THSD7B: variants seen among roughly 807,000 people sequenced by gnomAD.
THSD7B encodes thrombospondin type 1 domain containing 7B.
A neutral mutation model predicts 213.6 loss-of-function variants in THSD7B; 138 were observed. That is an observed-to-expected ratio of 0.65 (90% confidence interval 0.56 to 0.74). THSD7B has a LOEUF of 0.74. Ranked by LOEUF, THSD7B falls within the 30% of genes least tolerant of loss-of-function variation. THSD7B has a pLI of 0.00. For synonymous variants in THSD7B, 742 were observed against 687.0 expected, an observed-to-expected ratio of 1.08 and a Z score of -1.25; for missense variants, 1,931 against 1,991.5, an observed-to-expected ratio of 0.97 and a Z score of 0.58.
intron 5 of THSD7B, among the ~76,000 whole-genome samples, chr2:137,121,218 T>G (rs1349371508): frequency 6.6e-6 from 1 of 152,202 alleles, no homozygotes; most frequent in Non-Finnish European, 1.5e-5. Context: ...CCTAATTTAT[T>G]TAGCTCAAGG....
Position 137,546,382 on chromosome 2 carries a change from TA to T in THSD7B, c.3139-16838del, listed in dbSNP as rs1340052068. On this transcript the variant is annotated intron_variant, in intron 15 of 27. Coordinates refer to ENST00000409968, the MANE Select transcript of THSD7B (RefSeq NM_001316349.2). ...ATATATTATATATATATATAATATA[TA>T]TATTATATATATTATATATATTATA... Among the ~76,000 whole-genome samples, 19 of 34,608 alleles carry T rather than the reference TA, an allele frequency of 5.5e-4. 4 individuals carry two copies. Among genetic ancestry groups the T allele is most frequent in the African/African-American group, 2.9e-3 (18 of 6,116 alleles). 22.7% of individuals were successfully genotyped at this position (34,608 alleles called of 152,430 possible).
At chr2:137,394,373 T>C (rs1181529069) in intron 12 of THSD7B, among the ~76,000 whole-genome samples, 4 of 135,926 alleles carry the variant, frequency 2.9e-5, no homozygotes, top group Non-Finnish European at 6.5e-5. Flanking sequence ...TTCATCTTTC[T>C]ACATATGGCT....
intron 1 of THSD7B, among the ~76,000 whole-genome samples, chr2:136,825,960 A>G (rs921335985): frequency 2.0e-5 from 3 of 152,162 alleles, no homozygotes; most frequent in Non-Finnish European, 2.9e-5. Context: ...CAGCACCTGC[A>G]GTGTCCTTTT....
chr2:137,488,633 G>A (rs780242285), intron 15 of THSD7B, among the ~76,000 whole-genome samples: 4 of 152,156 alleles, frequency 2.6e-5, no homozygotes, highest in African/African-American at 7.2e-5. Context: ...CCTTCCACGT[G>A]TGCATGCATA....
At chr2:137,023,844 T>G (rs1686492848) in intron 2 of THSD7B, among the ~76,000 whole-genome samples, 1 of 152,046 alleles carries the variant, frequency 6.6e-6, no homozygotes, top group South Asian at 2.1e-4. Flanking sequence ...ACCTACATAA[T>G]AAGAGATTGG....
At chr2:136,928,918 G>T (rs1684586778) in intron 2 of THSD7B, among the ~76,000 whole-genome samples, 1 of 151,852 alleles carries the variant, frequency 6.6e-6, no homozygotes, top group Non-Finnish European at 1.5e-5. Context: ...CATGAAAATA[G>T]TTCTATAAAC....
rs1377981724 is a variant in THSD7B at position 137,586,502 on chromosome 2, C to T, written c.3423+13946C>T. Among the ~76,000 whole-genome samples the T allele has an allele frequency of 4.6e-5, 7 of 152,282 alleles. No homozygotes were observed. The East Asian group carries it at 1.2e-3, about 25-fold the overall frequency. ...TTGTTCCTTTCCATGTTTAGTGCTTCCTTCAGGAGCTCTTATAGGGCAGGC... is the reference window on the plus strand; with the variant it reads ...TTGTTCCTTTCCATGTTTAGTGCTTTCTTCAGGAGCTCTTATAGGGCAGGC... On this transcript the variant is annotated intron_variant, in intron 17 of 27. Coordinates refer to ENST00000409968, the MANE Select transcript of THSD7B (RefSeq NM_001316349.2).
chr2:137,037,416 A>G (rs895598606), intron 2 of THSD7B, among the ~76,000 whole-genome samples: 2 of 151,652 alleles, frequency 1.3e-5, no homozygotes, highest in African/African-American at 4.8e-5. Flanking sequence ...ATGTATACGT[A>G]TATATATATA....
chr2:137,040,041 G>A (rs906208244), intron 2 of THSD7B, among the ~76,000 whole-genome samples: 1 of 152,180 alleles, frequency 6.6e-6, no homozygotes, highest in African/African-American at 2.4e-5. Flanking sequence ...ACTGACAAAT[G>A]TTCACTTCTG....
intron 5 of THSD7B, among the ~76,000 whole-genome samples, chr2:137,143,083 T>TA (rs1023971205): frequency 1.1e-3 from 167 of 152,152 alleles, no homozygotes; most frequent in African/African-American, 3.8e-3. Flanking sequence ...CCAGGGACTT[T>TA]AAAAAAATAA....
chr2:137,555,674 C>T lies in THSD7B; in HGVS notation c.3139-7547C>T, dbSNP rs147848433. On this transcript the variant is annotated intron_variant, in intron 15 of 27. Transcript: ENST00000409968. ...AAGGAACACAGCTCCTCACCAGCAA[C>T]GGAACAAAGCTGGACAGAGAATGAC... Among the ~76,000 whole-genome samples, 118 of 152,110 alleles carry T rather than the reference C, an allele frequency of 7.8e-4. 1 individual carries two copies. In the East Asian group the frequency reaches 0.01, roughly 13 times the overall value.
At chr2:137,281,409 TTTA>T (rs899770098) in intron 12 of THSD7B, among the ~76,000 whole-genome samples, 9 of 151,902 alleles carry the variant, frequency 5.9e-5, no homozygotes, top group Admixed American at 2.6e-4. Flanking sequence ...TTTCTTATTT[TTTA>T]TTATTATTAT....
At chr2:137,248,397 G>A (rs1682091097) in intron 10 of THSD7B, among the ~76,000 whole-genome samples, 1 of 152,006 alleles carries the variant, frequency 6.6e-6, no homozygotes, top group African/African-American at 2.4e-5. Context: ...GCACATGGTG[G>A]GCATTTAGTA....
At chr2:137,309,202 A>G (rs948735472) in intron 12 of THSD7B, among the ~76,000 whole-genome samples, 2 of 152,110 alleles carry the variant, frequency 1.3e-5, no homozygotes, top group African/African-American at 4.8e-5. Flanking sequence ...ATGGAAAGGA[A>G]AACTCATTTT....
At chr2:137,125,077 A>C (rs1053508313) in intron 5 of THSD7B, among the ~76,000 whole-genome samples, 1 of 152,126 alleles carries the variant, frequency 6.6e-6, no homozygotes, top group Non-Finnish European at 1.5e-5. Context: ...TTTCTATTTG[A>C]ATAATCTATG....
At chr2:136,786,047 T>A (rs1289327049) in intron 1 of THSD7B, among the ~76,000 whole-genome samples, 1 of 152,172 alleles carries the variant, frequency 6.6e-6, no homozygotes, top group Non-Finnish European at 1.5e-5. Context: ...AAGGCTGTAA[T>A]TCAAAGTATT....
intron 7 of THSD7B, among the ~76,000 whole-genome samples, chr2:137,171,558 A>G (rs555178441): frequency 2.6e-5 from 4 of 152,216 alleles, no homozygotes; most frequent in Non-Finnish European, 5.9e-5. Flanking sequence ...AACATGTGTC[A>G]TGTGGAAATA....
chr2:137,509,107 G>A (rs1401853013), intron 15 of THSD7B, among the ~76,000 whole-genome samples: 1 of 152,122 alleles, frequency 6.6e-6, no homozygotes, highest in African/African-American at 2.4e-5. Context: ...TCATATGAAC[G>A]GTGCTGATAC....
chr2:137,232,826 A>G (rs1681670177), intron 8 of THSD7B, 73 bp from the exon 9 acceptor site: 3 of 1,414,148 alleles, frequency 2.1e-6, no homozygotes, highest in African/African-American at 1.4e-5. Context: ...TCTCTAGACC[A>G]TTAAAGCAGC....
Sources: allele counts gnomAD v4.1 joint callset (sites outside exome capture counted in the v4.1 genomes callset), GRCh38; gene constraint gnomAD v4.1.1; transcripts MANE v1.5; gene names NCBI Gene and HGNC (gene_info 2026-07-23, HGNC 2026-07-21).